Variants in LRRC27 observed in about 807,000 individuals in gnomAD.
LRRC27 encodes leucine rich repeat containing 27, also known as leucine-rich repeat-containing protein 27.
Under a neutral mutation model 55.0 loss-of-function variants are expected in LRRC27, and 57 were observed. The ratio of observed to expected loss-of-function variants is 1.04; its 90% CI spans 0.84 to 1.29. LRRC27 has a LOEUF of 1.29. Among genes scored for constraint, LRRC27 ranks in the 50% most tolerant of loss-of-function variants. LRRC27 has a pLI of 0.00. For synonymous variants in LRRC27, 278 were observed against 251.9 expected (o/e 1.10, Z -0.98); for missense variants, 721 against 651.5 (o/e 1.11, Z -1.16).
At chr10:132,367,573 A>G (rs953661487) in intron 10 of LRRC27, among the ~76,000 whole-genome samples, 15 of 152,368 alleles carry the variant, frequency 9.8e-5, no homozygotes, top group Non-Finnish European at 1.9e-4. Flanking sequence ...AAATCAGCCA[A>G]TGCAATTCAT....
chr10:132,375,229 G>T lies in LRRC27; in HGVS notation c.1580G>T (p.Arg527Leu), dbSNP rs529563725. ...NTKYGESGNV[R>L]RYQ ...AAATATGGAGAATCAGGAAATGTTC[G>T]CAGATACCAGTGACACCAGGTGGCT... is the stretch of plus-strand genomic sequence containing the variant. Residue 527 changes from arginine to leucine, a missense_variant, in exon 11 of 11, where the codon CGC becomes CTC. Coordinates refer to ENST00000368614, the MANE Select transcript of LRRC27 (RefSeq NM_030626.3). 5.0e-6 allele frequency: 8 copies of T among 1,612,566 alleles called. No individual in the cohort carries two copies. The Admixed American group carries it at 1.3e-4, about 27-fold the overall frequency.
At chr10:132,370,401 A>C (rs1246673441) in intron 10 of LRRC27, among the ~76,000 whole-genome samples, 1 of 152,172 alleles carries the variant, frequency 6.6e-6, no homozygotes, top group African/African-American at 2.4e-5. Flanking sequence ...GCAGCCCTTG[A>C]GCCCAGAGGA....
intron 8 of LRRC27, 124 bp from the exon 9 acceptor site, chr10:132,361,333 C>T: frequency 2.5e-6 from 2 of 786,012 alleles, no homozygotes; most frequent in Admixed American, 3.6e-5. Flanking sequence ...GACCGTCTAC[C>T]CGGGGCGGCC....
chr10:132,350,140 A>G (rs1226044118), intron 6 of LRRC27, among the ~76,000 whole-genome samples: 1 of 152,182 alleles, frequency 6.6e-6, no homozygotes, highest in East Asian at 1.9e-4. Context: ...GCCTGCTTAT[A>G]AGGCTGAGTG....
At chr10:132,356,194 G>A (rs949116556) in intron 8 of LRRC27, among the ~76,000 whole-genome samples, 2 of 152,228 alleles carry the variant, frequency 1.3e-5, no homozygotes, top group African/African-American at 2.4e-5. Context: ...GCTCCTGTCT[G>A]GGGAATTAGA....
At chr10:132,355,083 T>C (rs2068247393) in intron 7 of LRRC27, among the ~76,000 whole-genome samples, 1 of 152,168 alleles carries the variant, frequency 6.6e-6, no homozygotes, top group South Asian at 2.1e-4. Context: ...TGTCTTGTTT[T>C]GTTTTGTTTT....
rs564370576 is a variant in LRRC27 at position 132,374,496 on chromosome 10, G to A, written c.1417-570G>A. On this transcript the variant is annotated intron_variant, in intron 10 of 10. Transcript: ENST00000368614. This position sits in a 1 kb window ranked among gnomAD's most constrained non-coding sequence, Gnocchi z 4.4. ...CTTTGTTCTGCCCAGGGGATTGGCCGTGGACCATGAGGTTTGGAACAGAAA... is the reference window on the plus strand; with the variant it reads ...CTTTGTTCTGCCCAGGGGATTGGCCATGGACCATGAGGTTTGGAACAGAAA... 8.5e-5 allele frequency among the ~76,000 whole-genome samples: 13 copies of A among 152,300 alleles called. No homozygotes were observed. The highest frequency in any genetic ancestry group is 1.9e-4 in the East Asian group (1 of 5,186).
At chr10:132,335,507 C>T (rs1373500483) in intron 2 of LRRC27, among the ~76,000 whole-genome samples, 2 of 146,686 alleles carry the variant, frequency 1.4e-5, no homozygotes, top group Admixed American at 6.8e-5. Context: ...TGGATGTCGT[C>T]TATTGGTTGT....
chr10:132,342,229 C>G lies in LRRC27; in HGVS notation c.358C>G (p.Leu120Val). 5.2e-6 allele frequency: 8 copies of G among 1,552,350 alleles called. No homozygotes were observed. The highest frequency in any genetic ancestry group is 7.0e-6 in the Non-Finnish European group (8 of 1,147,664). Residue 120 changes from leucine to valine, a missense_variant, in exon 4 of 11, where the codon CTT becomes GTT. Physicochemically the swap from Leu to Val is conservative, Grantham distance 32. Coordinates refer to ENST00000368614, the MANE Select transcript of LRRC27 (RefSeq NM_030626.3). The part of the protein sequence containing the change: ...IGAHQHLKTL[L>V]LERNPIKMLP... Reference sequence around the variant, plus strand: ...GCTTTAAAGGCATTTGAAAACTTTGCTTTTAGAAAGAAATCCTATCAAAAT... The same window carrying G: ...GCTTTAAAGGCATTTGAAAACTTTGGTTTTAGAAAGAAATCCTATCAAAAT...
intron 7 of LRRC27, chr10:132,352,792 G>A (rs1196851024): frequency 4.8e-6 from 7 of 1,444,152 alleles, no homozygotes; most frequent in Non-Finnish European, 5.7e-6. Context: ...AGTGCTCGCG[G>A]TCGCCCCCTT....
rs1331984684 is a variant in LRRC27 at position 132,348,122 on chromosome 10, T to G, written c.692T>G (p.Phe231Cys). The G allele has an allele frequency of 6.2e-7, 1 of 1,613,934 alleles. No homozygotes were observed. Among genetic ancestry groups the G allele is most frequent in the African/African-American group, 1.3e-5 (1 of 74,912 alleles). ...GCTGTGATGAAAGAGAAGGCCAGCTTTCTCCCACCTGTGGAAAAGCCAGAC... is the reference window on the plus strand; with the variant it reads ...GCTGTGATGAAAGAGAAGGCCAGCTGTCTCCCACCTGTGGAAAAGCCAGAC... Reference protein sequence around the residue: ...EGAVMKEKASFLPPVEKPDLS... With the variant: ...EGAVMKEKASCLPPVEKPDLS... The change falls in exon 6 of 11, where the codon TTT becomes TGT. Residue 231 changes from phenylalanine to cysteine, a missense_variant. Phe to Cys is a radical substitution (Grantham distance 205). Transcript: ENST00000368614. The surrounding 1 kb of genome is among the most constrained non-coding windows in gnomAD (Gnocchi z 4.2).
intron 8 of LRRC27, 126 bp from the exon 9 acceptor site, chr10:132,361,331 A>AC: frequency 1.3e-6 from 1 of 771,596 alleles, no homozygotes; most frequent in South Asian, 1.4e-5. Flanking sequence ...GGGACCGTCT[A>AC]CCCGGGGCGG....
chr10:132,347,035 T>C (rs2067737277), intron 5 of LRRC27, among the ~76,000 whole-genome samples: 1 of 152,190 alleles, frequency 6.6e-6, no homozygotes, highest in Non-Finnish European at 1.5e-5. Flanking sequence ...GACTGGCCAA[T>C]AGGTCCCAGT....
At chr10:132,360,691 G>C (rs1351614640) in intron 8 of LRRC27, among the ~76,000 whole-genome samples, 1 of 152,182 alleles carries the variant, frequency 6.6e-6, no homozygotes, top group African/African-American at 2.4e-5. Flanking sequence ...ACATTTGGAG[G>C]AGAGAATGGC....
At chr10:132,340,605 C>G (rs370683952) in intron 3 of LRRC27, among the ~76,000 whole-genome samples, 15 of 152,090 alleles carry the variant, frequency 9.9e-5, no homozygotes, top group Admixed American at 2.6e-4. Flanking sequence ...CTGAACGAAC[C>G]ACATTGAAAT....
intron 2 of LRRC27, among the ~76,000 whole-genome samples, chr10:132,335,953 G>A (rs56054273): frequency 0.017 from 2,531 of 152,268 alleles, 58 homozygotes; most frequent in African/African-American, 0.058. Flanking sequence ...TGGCCAACAA[G>A]CAGGCATCGG....
intron 7 of LRRC27, among the ~76,000 whole-genome samples, 187 bp downstream of exon 7, chr10:132,351,940 C>A (rs867855848): frequency 7.2e-5 from 11 of 152,230 alleles, no homozygotes; most frequent in Admixed American, 2.0e-4. Context: ...GTCTGTAGCG[C>A]CACGCACGGG....
rs1044567902 is a variant in LRRC27 at position 132,361,499 on chromosome 10, A to G, written c.1213A>G (p.Arg405Gly). Reference protein sequence around the residue: ...IPSATDLIDNRKVPLNPPGKM... With the variant: ...IPSATDLIDNGKVPLNPPGKM... ...CTCTGCCACAGATCTGATAGATAACAGGAAAGTACCACTGAATCCGCCTGG... is the reference window on the plus strand; with the variant it reads ...CTCTGCCACAGATCTGATAGATAACGGGAAAGTACCACTGAATCCGCCTGG... Residue 405 changes from arginine to glycine, a missense_variant, in exon 9 of 11, where the codon AGG becomes GGG. Coordinates refer to ENST00000368614, the MANE Select transcript of LRRC27 (RefSeq NM_030626.3). 5.0e-6 allele frequency: 8 copies of G among 1,613,860 alleles called. No individual in the cohort carries two copies. In the Admixed American group the frequency reaches 1.0e-4, roughly 20 times the overall value.
rs750122588 is a variant in LRRC27, at chr10:132,380,244, C to T, written c.*5002C>T. Among the ~76,000 whole-genome samples, 4 of 150,322 alleles carry T rather than the reference C, an allele frequency of 2.7e-5. No homozygotes were observed. Among genetic ancestry groups the T allele is most frequent in the Non-Finnish European group, 5.9e-5 (4 of 67,632 alleles). On this transcript the variant is annotated 3_prime_UTR_variant, in exon 11 of 11. Transcript: ENST00000368614. Reference sequence around the variant, plus strand: ...CCGGAAGGCAGAGGTTGCAGTGAGCCGAGATCACGCCATTGCACTCCAGCC... The same window carrying T: ...CCGGAAGGCAGAGGTTGCAGTGAGCTGAGATCACGCCATTGCACTCCAGCC...
Sources: gnomAD v4.1 joint callset for allele counts (sites outside exome capture counted in the v4.1 genomes callset) on GRCh38, gnomAD v4.1.1 for gene constraint, Gnocchi (gnomAD v3.1) non-coding constraint, MANE v1.5 for transcripts, NCBI Gene and HGNC (gene_info 2026-07-23, HGNC 2026-07-21) for gene names.